BPIFB4: variants seen among roughly 807,000 people sequenced by gnomAD.
The protein encoded by BPIFB4 is BPI fold-containing family B member 4.
A neutral mutation model predicts 69.2 loss-of-function variants in BPIFB4; 62 were observed. The ratio of observed to expected loss-of-function variants is 0.90; its 90% CI spans 0.73 to 1.11. BPIFB4 has a LOEUF of 1.11. Among genes scored for constraint, BPIFB4 ranks in the 50% least tolerant of loss-of-function variants. The pLI is 0.00. For missense variants in BPIFB4, 789 were observed against 792.0 expected (o/e 1.00, Z 0.04); for synonymous variants, 330 against 332.7 (o/e 0.99, Z 0.09).
chr20:33,095,788 T>C (rs1327973088), intron 12 of BPIFB4, among the ~76,000 whole-genome samples: 2 of 152,114 alleles, frequency 1.3e-5, no homozygotes, highest in African/African-American at 4.8e-5. Context: ...CATGAACTAT[T>C]ATTGCTGTTG....
At chr20:33,100,644 C>T in intron 14 of BPIFB4, 151 bp downstream of exon 14, 1 of 649,772 alleles carries the variant, frequency 1.5e-6, no homozygotes, top group Non-Finnish European at 2.6e-6. Flanking sequence ...CCTACCATTA[C>T]CACTGTCACA....
intron 3 of BPIFB4, among the ~76,000 whole-genome samples, chr20:33,082,291 C>G: frequency 6.6e-6 from 1 of 152,120 alleles, no homozygotes; most frequent in East Asian, 1.9e-4. Context: ...TTGACTATTT[C>G]CCAAGAATCA....
At position 33,081,613 on chromosome 20, in the gene BPIFB4, G is replaced by A. The variant is rs779848889; in HGVS notation, c.87G>A (p.Thr29=). The A allele has an allele frequency of 1.5e-4, 227 of 1,551,610 alleles. No homozygotes were observed. Among genetic ancestry groups the A allele is most frequent in the Non-Finnish European group, 1.6e-4 (180 of 1,147,010 alleles). The change falls in exon 3 of 18, where the codon ACG becomes ACA. Residue 29 remains threonine (T), a synonymous_variant. Coordinates refer to ENST00000375483, the MANE Select transcript of BPIFB4 (RefSeq NM_182519.3). ...AGACAAACACGGTCCTCAGGGTGAC[G>A]AAAGATGTGTTGAGCAATGGTGAGT... ...SHETNTVLRV[T]KDVLSNAISG...
At chr20:33,091,846 G>A (rs980239000) in intron 10 of BPIFB4, among the ~76,000 whole-genome samples, 1 of 152,248 alleles carries the variant, frequency 6.6e-6, no homozygotes, top group African/African-American at 2.4e-5. Flanking sequence ...TCAAGGATCC[G>A]AGGCTATCAG....
chr20:33,103,158 C>T, intron 15 of BPIFB4, 144 bp downstream of exon 15: 1 of 903,736 alleles, frequency 1.1e-6, no homozygotes, highest in Non-Finnish European at 1.8e-6. Context: ...TATCAGCCCT[C>T]ATTTTGCAGA....
At chr20:33,104,153 A>G (rs1369660105) in intron 15 of BPIFB4, among the ~76,000 whole-genome samples, 5 of 152,214 alleles carry the variant, frequency 3.3e-5, no homozygotes, top group African/African-American at 9.7e-5. Flanking sequence ...AACATCAGGC[A>G]TGTTACATAT....
intron 12 of BPIFB4, among the ~76,000 whole-genome samples, chr20:33,096,390 C>T (rs1981754204): frequency 6.6e-6 from 1 of 152,240 alleles, no homozygotes; most frequent in African/African-American, 2.4e-5. Context: ...ATTCCCCTGA[C>T]TCAGCCTCCT....
intron 7 of BPIFB4, among the ~76,000 whole-genome samples, chr20:33,088,681 A>G (rs1981507268): frequency 6.6e-6 from 1 of 152,218 alleles, no homozygotes; most frequent in Non-Finnish European, 1.5e-5. Context: ...TGCAGTTGAA[A>G]ATCAGCAACA....
chr20:33,107,274 G>GA (rs375284987), intron 16 of BPIFB4, among the ~76,000 whole-genome samples: 1 of 150,930 alleles, frequency 6.6e-6, no homozygotes, highest in Non-Finnish European at 1.5e-5. Flanking sequence ...AAAGAGAAAA[G>GA]GGAAAAGAAA....
chr20:33,095,655 A>T (rs1444539663), intron 12 of BPIFB4, among the ~76,000 whole-genome samples: 1 of 152,122 alleles, frequency 6.6e-6, no homozygotes, highest in Non-Finnish European at 1.5e-5. Flanking sequence ...ATGACCTTAG[A>T]TGCACAATTC....
chr20:33,090,692 T>C lies in BPIFB4; in HGVS notation c.1052-16T>C. On this transcript the variant is annotated splice_polypyrimidine_tract_variant and intron_variant, in intron 9 of 17. Transcript: ENST00000375483. ...TGGTGAGGGGACCTCCCTGTGACCCTCTCCTTTGCCTGCAGCTCTGATTCC... is the reference window on the plus strand; with the variant it reads ...TGGTGAGGGGACCTCCCTGTGACCCCCTCCTTTGCCTGCAGCTCTGATTCC... 2.5e-6 allele frequency: 4 copies of C among 1,613,586 alleles called. No homozygotes were observed. Among genetic ancestry groups the C allele is most frequent in the Non-Finnish European group, 3.4e-6 (4 of 1,179,568 alleles).
intron 16 of BPIFB4, among the ~76,000 whole-genome samples, chr20:33,106,996 G>A (rs1018675468): frequency 2.6e-5 from 4 of 152,030 alleles, no homozygotes; most frequent in South Asian, 2.1e-4. Flanking sequence ...ACGAGGTCAG[G>A]AGTTCAAGAC....
chr20:33,080,892 G>GA (rs1179393684), intron 2 of BPIFB4, among the ~76,000 whole-genome samples: 1 of 152,092 alleles, frequency 6.6e-6, no homozygotes, highest in Non-Finnish European at 1.5e-5. Flanking sequence ...TGGATGGTGG[G>GA]ATGGGTGGAC....
At chr20:33,080,308 A>G (rs926037584) in intron 1 of BPIFB4, among the ~76,000 whole-genome samples, 161 bp from the exon 2 acceptor site, 3 of 152,018 alleles carry the variant, frequency 2.0e-5, no homozygotes, top group African/African-American at 7.2e-5. Context: ...CCCTGTGCTG[A>G]CTCTCTGAGG....
chr20:33,089,355 C>T, intron 8 of BPIFB4, 143 bp from the exon 9 acceptor site: 1 of 1,334,730 alleles, frequency 7.5e-7, no homozygotes, highest in South Asian at 1.4e-5. Context: ...AGACAGCCTT[C>T]CCCACAGGGC....
Position 33,090,751 on chromosome 20 carries a change from C to T in BPIFB4, c.1095C>T (p.Phe365=), listed in dbSNP as rs1432357092. The T allele has an allele frequency of 3.1e-6, 5 of 1,614,092 alleles. No homozygotes were observed. The African/African-American group carries it at 5.3e-5, about 17-fold the overall frequency. Residue 365 remains phenylalanine (F), a synonymous_variant, in exon 10 of 18, where the codon TTC becomes TTT. Coordinates refer to ENST00000375483, the MANE Select transcript of BPIFB4 (RefSeq NM_182519.3). ...TATTGGGAAGTGTCCAGTACACCTT[C>T]TCCAGCCTCCCGCTTGTGACCGGGG... ...LGILGSVQYT[F]SSLPLVTGEF... is the part of the protein sequence containing the mutation.
rs200961874 is a variant in BPIFB4 at position 33,083,773 on chromosome 20, C to G, written c.576C>G (p.Gly192=). ...GILAGQGGLL[G]GGGLLGDGGL... ...TCGCAGGCCAAGGTGGCCTGCTCGG[C>G]GGAGGTGGTCTCCTTGGTGATGGAG... Residue 192 remains glycine (G), a synonymous_variant, in exon 5 of 18, where the codon GGC becomes GGG. Coordinates refer to ENST00000375483, the MANE Select transcript of BPIFB4 (RefSeq NM_182519.3). 5 of 1,613,752 alleles carry G rather than the reference C, an allele frequency of 3.1e-6. No individual in the cohort carries two copies. The highest frequency in any genetic ancestry group is 4.2e-6 in the Non-Finnish European group (5 of 1,179,886).
At chr20:33,107,718 A>G (rs1380117983) in intron 16 of BPIFB4, 26 bp from the exon 17 acceptor site, 1 of 1,585,334 alleles carries the variant, frequency 6.3e-7, no homozygotes. Flanking sequence ...ACCACTGACC[A>G]TGTCTGACTG....
At position 33,107,654 on chromosome 20, in the gene BPIFB4, T is replaced by C. The variant is rs996339250; in HGVS notation, c.1745-90T>C. The C allele has an allele frequency of 8.1e-6, 8 of 982,136 alleles. No individual in the cohort carries two copies. In the Middle Eastern group the frequency reaches 1.3e-3, roughly 154 times the overall value. The allele number at this position is 982,136 out of a possible 1,614,324, so 60.8% of individuals were successfully genotyped here. On this transcript the variant is annotated intron_variant, in intron 16 of 17. Transcript: ENST00000375483. ...CTGTCTCAAAAAAAGAAAAAAGAAA[T>C]TGCCAATCTTCTTACAAATACTGGC...
Sources: gnomAD v4.1 joint callset for allele counts (sites outside exome capture counted in the v4.1 genomes callset) on GRCh38, gnomAD v4.1.1 for gene constraint, MANE v1.5 for transcripts, NCBI Gene and HGNC (gene_info 2026-07-23, HGNC 2026-07-21) for gene names.